MARCHF1: variants seen among roughly 807,000 people sequenced by gnomAD.
MARCHF1 encodes the protein membrane associated ring-CH-type finger 1.
In MARCHF1, 40 loss-of-function variants were observed where a neutral mutation model predicts 54.2. That is an observed-to-expected ratio of 0.74 (90% CI 0.57 to 0.96). The LOEUF (loss-of-function observed/expected upper bound fraction) is 0.96. Among genes scored for constraint, MARCHF1 ranks in the 40% least tolerant of loss-of-function variants. The probability of loss-of-function intolerance (pLI) is 0.00; values close to 1 mark genes in which losing one functional copy is unlikely to be tolerated. For synonymous variants in MARCHF1, 236 were observed against 236.3 expected (o/e 1.00, Z 0.01); for missense variants, 586 against 656.5 (o/e 0.89, Z 1.17).
rs117663861 is a variant in MARCHF1, at chr4:163,556,529, T to C, written c.1192-10786A>G. ...TTAATAGCAGTGTCACATCTGAACA[T>C]TGTATTTAATGTAATTGAGTTGATT... On this transcript the variant is annotated intron_variant, in intron 8 of 9. Transcript: ENST00000514618. Among the ~76,000 whole-genome samples the C allele has an allele frequency of 1.7e-3, 246 of 149,062 alleles. 6 individuals carry two copies. The East Asian group carries it at 0.043, about 26-fold the overall frequency.
chr4:164,095,401 TACACACACACACAAAC>T (rs1755388803), intron 2 of MARCHF1, among the ~76,000 whole-genome samples: 1 of 146,844 alleles, frequency 6.8e-6, no homozygotes, highest in Non-Finnish European at 1.5e-5. Flanking sequence ...TTTGCTATAT[TACACACACACACAAAC>T]ACACACACAC....
chr4:164,248,373 C>T (rs554497540), intron 1 of MARCHF1, among the ~76,000 whole-genome samples: 1 of 151,956 alleles, frequency 6.6e-6, no homozygotes, highest in South Asian at 2.1e-4. Flanking sequence ...ATTGTTAAAG[C>T]CTTTTAGATA....
intron 1 of MARCHF1, among the ~76,000 whole-genome samples, chr4:164,257,840 G>A (rs1021858379): frequency 8.5e-5 from 13 of 152,210 alleles, no homozygotes; most frequent in Admixed American, 3.9e-4. Context: ...ATGGTGGCAG[G>A]TGCCTGTAGT....
intron 5 of MARCHF1, among the ~76,000 whole-genome samples, chr4:163,613,839 C>T (rs976959883): frequency 2.0e-5 from 3 of 152,058 alleles, no homozygotes; most frequent in African/African-American, 7.2e-5. Context: ...AACATCAAGG[C>T]CCCATGAGAT....
At chr4:164,006,951 C>G (rs569410503) in intron 2 of MARCHF1, among the ~76,000 whole-genome samples, 1 of 130,282 alleles carries the variant, frequency 7.7e-6, no homozygotes, top group African/African-American at 2.9e-5. Flanking sequence ...CACCATCATT[C>G]CCATCTTATA....
At chr4:163,799,708 A>G (rs1203125289) in intron 4 of MARCHF1, among the ~76,000 whole-genome samples, 1 of 152,134 alleles carries the variant, frequency 6.6e-6, no homozygotes, top group African/African-American at 2.4e-5. Flanking sequence ...TTCAATAAAG[A>G]AAAGTAATAT....
intron 5 of MARCHF1, among the ~76,000 whole-genome samples, chr4:163,647,931 GA>G (rs913419292): frequency 2.0e-5 from 3 of 150,896 alleles, no homozygotes; most frequent in African/African-American, 4.9e-5. Context: ...ATAATTGTTG[GA>G]AAAAAATAGA....
At chr4:163,714,706 T>A (rs1745206805) in intron 4 of MARCHF1, among the ~76,000 whole-genome samples, 1 of 152,158 alleles carries the variant, frequency 6.6e-6, no homozygotes, top group African/African-American at 2.4e-5. Context: ...TAAGACAGGG[T>A]CTTGCTCTGT....
intron 1 of MARCHF1, among the ~76,000 whole-genome samples, chr4:164,116,998 C>T (rs1228993097): frequency 6.6e-6 from 1 of 152,086 alleles, no homozygotes; most frequent in East Asian, 1.9e-4. Flanking sequence ...TGACTCACGC[C>T]TGTAATGCCA....
intron 4 of MARCHF1, among the ~76,000 whole-genome samples, chr4:163,749,385 C>T (rs996070857): frequency 6.6e-6 from 1 of 151,630 alleles, no homozygotes; most frequent in Non-Finnish European, 1.5e-5. Flanking sequence ...AAAATAAAAT[C>T]AGGTTTGCTT....
chr4:164,005,075 C>G (rs1473846282), intron 2 of MARCHF1, among the ~76,000 whole-genome samples: 1 of 151,130 alleles, frequency 6.6e-6, no homozygotes, highest in South Asian at 2.1e-4. Flanking sequence ...ATAAATAAAT[C>G]AAAAGAAAAG....
chr4:163,872,333 T>C (rs1456332872), intron 3 of MARCHF1, among the ~76,000 whole-genome samples: 1 of 151,788 alleles, frequency 6.6e-6, no homozygotes, highest in Non-Finnish European at 1.5e-5. Flanking sequence ...AATTTTTTCA[T>C]TTAAATCTAC....
intron 1 of MARCHF1, among the ~76,000 whole-genome samples, chr4:164,276,947 T>TATATATATAG (rs1392528920): frequency 5.3e-4 from 63 of 118,788 alleles, no homozygotes; most frequent in Admixed American, 3.4e-3. Context: ...TATATATATA[T>TATATATATAG]AGAGAGAGAG....
chr4:163,675,237 G>A (rs533383541), intron 5 of MARCHF1, among the ~76,000 whole-genome samples: 1 of 152,326 alleles, frequency 6.6e-6, no homozygotes, highest in South Asian at 2.1e-4. Context: ...AAGTAATAAT[G>A]TTAAAGTATT....
In MARCHF1 at chr4:163,612,533, C is replaced by T; in HGVS notation, c.748G>A (p.Gly250Arg). 6.5e-7 allele frequency: 1 copy of T among 1,535,464 alleles called. No individual in the cohort carries two copies. Among genetic ancestry groups the T allele is most frequent in the South Asian group, 1.2e-5 (1 of 84,034 alleles). ...YQECNPSLTQ[G>R]SSEIKRSSRN... Reference sequence around the variant, plus strand: ...GAGGATCTCTTAATTTCAGAGGACCCTTGAGTCAGAGAAGGGTTGCATTCT... The same window carrying T: ...GAGGATCTCTTAATTTCAGAGGACCTTTGAGTCAGAGAAGGGTTGCATTCT... The change falls in exon 7 of 10, where the codon GGG (glycine) becomes AGG (arginine). Residue 250 changes from glycine to arginine, a missense_variant. Transcript: ENST00000514618.
At chr4:163,785,371 G>T (rs139948877) in intron 4 of MARCHF1, among the ~76,000 whole-genome samples, 2 of 152,074 alleles carry the variant, frequency 1.3e-5, no homozygotes, top group South Asian at 4.1e-4. Context: ...TCGATTGAAA[G>T]TGTGTCACAA....
intron 1 of MARCHF1, among the ~76,000 whole-genome samples, chr4:164,177,361 T>C (rs1730716694): frequency 6.6e-6 from 1 of 152,032 alleles, no homozygotes; most frequent in African/African-American, 2.4e-5. Context: ...AATCACACAA[T>C]AAATAAGGGA....
intron 2 of MARCHF1, among the ~76,000 whole-genome samples, chr4:164,014,182 C>A (rs1261859815): frequency 1.5e-5 from 2 of 131,750 alleles, no homozygotes; most frequent in African/African-American, 6.1e-5. Flanking sequence ...CAGAGTGAGA[C>A]TGCATCTCAA....
At chr4:163,835,541 A>G (rs1179071552) in intron 4 of MARCHF1, among the ~76,000 whole-genome samples, 1 of 152,160 alleles carries the variant, frequency 6.6e-6, no homozygotes, top group African/African-American at 2.4e-5. Context: ...CAAGCTCCAA[A>G]CTATAACCAA....
Sources: gnomAD v4.1 joint callset for allele counts (sites outside exome capture counted in the v4.1 genomes callset) on GRCh38, gnomAD v4.1.1 for gene constraint, MANE v1.5 for transcripts, NCBI Gene and HGNC (gene_info 2026-07-23, HGNC 2026-07-21) for gene names.